The following ZRANB3 variants were observed in gnomAD, a reference collection of about 807,000 sequenced individuals.
ZRANB3 encodes zinc finger RANBP2-type containing 3.
A neutral mutation model predicts 133.8 loss-of-function variants in ZRANB3; 125 were observed. That is an observed-to-expected ratio of 0.93 (90% CI 0.81 to 1.08). ZRANB3 has a LOEUF of 1.08. ZRANB3 is among the 50% of genes least tolerant of loss of function. The pLI, the probability that ZRANB3 is intolerant of heterozygous loss-of-function variation, is 0.00. For missense variants in ZRANB3, 1,229 were observed against 1,275.5 expected (o/e 0.96, Z 0.56); for synonymous variants, 387 against 432.7 (o/e 0.89, Z 1.31).
intron 1 of ZRANB3, among the ~76,000 whole-genome samples, chr2:135,509,444 G>A (rs145299607): frequency 6.6e-6 from 1 of 152,066 alleles, no homozygotes. Flanking sequence ...TGAAGTATAA[G>A]TCAACCATAG....
chr2:135,512,335 G>A (rs951146139), intron 1 of ZRANB3, among the ~76,000 whole-genome samples: 1 of 152,074 alleles, frequency 6.6e-6, no homozygotes, highest in Non-Finnish European at 1.5e-5. Context: ...ACTGTACTGA[G>A]GAGAATCAGA....
intron 2 of ZRANB3, among the ~76,000 whole-genome samples, chr2:135,414,670 C>G (rs1184050865): frequency 6.6e-6 from 1 of 152,066 alleles, no homozygotes; most frequent in East Asian, 1.9e-4. Flanking sequence ...AGCACCACAC[C>G]ACACCTATTC....
At chr2:135,303,214 C>T (rs548261753) in intron 8 of ZRANB3, among the ~76,000 whole-genome samples, 2 of 152,050 alleles carry the variant, frequency 1.3e-5, no homozygotes, top group Admixed American at 1.3e-4. Flanking sequence ...TATTTTTTAC[C>T]ACCATGTGTT....
chr2:135,273,374 G>A (rs1680632775), intron 9 of ZRANB3, among the ~76,000 whole-genome samples: 2 of 151,982 alleles, frequency 1.3e-5, no homozygotes, highest in South Asian at 2.1e-4. Context: ...AGAATGTCCC[G>A]TATTAACGTT....
chr2:135,428,753 C>T (rs1312014437), intron 2 of ZRANB3, among the ~76,000 whole-genome samples: 1 of 152,218 alleles, frequency 6.6e-6, no homozygotes, highest in Non-Finnish European at 1.5e-5. Flanking sequence ...TCTCAAAAGA[C>T]ATACATAAGG....
At chr2:135,435,788 T>C (rs1689507261) in intron 2 of ZRANB3, among the ~76,000 whole-genome samples, 1 of 152,370 alleles carries the variant, frequency 6.6e-6, no homozygotes, top group Non-Finnish European at 1.5e-5. Context: ...GTATGTCTTC[T>C]TTTGAGAAGT....
At chr2:135,487,352 T>C (rs1034786146) in intron 2 of ZRANB3, among the ~76,000 whole-genome samples, 1 of 152,234 alleles carries the variant, frequency 6.6e-6, no homozygotes, top group Non-Finnish European at 1.5e-5. Context: ...GATATTCAGA[T>C]GGTCAATGAG....
At chr2:135,276,431 A>G (rs940894501) in intron 8 of ZRANB3, among the ~76,000 whole-genome samples, 6 of 152,160 alleles carry the variant, frequency 3.9e-5, no homozygotes. Context: ...CATATAGAAC[A>G]ATTATGACAC....
intron 3 of ZRANB3, among the ~76,000 whole-genome samples, chr2:135,381,956 G>A (rs572642820): frequency 6.0e-4 from 91 of 152,310 alleles, no homozygotes; most frequent in Admixed American, 1.7e-3. Flanking sequence ...CCAGAGGAAC[G>A]CAGCCCCTCA....
chr2:135,379,824 T>C (rs930334823), intron 3 of ZRANB3, among the ~76,000 whole-genome samples: 3 of 152,150 alleles, frequency 2.0e-5, no homozygotes, highest in African/African-American at 4.8e-5. Context: ...TAACCTTAAA[T>C]GTAAATGGGC....
At chr2:135,408,923 T>C (rs567469128) in intron 2 of ZRANB3, among the ~76,000 whole-genome samples, 1 of 151,894 alleles carries the variant, frequency 6.6e-6, no homozygotes, top group Non-Finnish European at 1.5e-5. Context: ...CATGTATACA[T>C]ATGTAACTAA....
At chr2:135,212,367 G>C (rs1694127347) in intron 17 of ZRANB3, among the ~76,000 whole-genome samples, 1 of 152,140 alleles carries the variant, frequency 6.6e-6, no homozygotes. Context: ...GAACTCAAAA[G>C]CTTCCTAGCT....
chr2:135,511,985 T>C (rs1693484822), intron 1 of ZRANB3: 1 of 693,016 alleles, frequency 1.4e-6, no homozygotes, highest in South Asian at 1.6e-5. Flanking sequence ...GTCAAATATG[T>C]CCAAACCTGT....
intron 2 of ZRANB3, among the ~76,000 whole-genome samples, chr2:135,425,950 G>A (rs1042093913): frequency 4.6e-5 from 7 of 151,838 alleles, no homozygotes; most frequent in African/African-American, 1.7e-4. Context: ...CACTAGCTAG[G>A]CTGATAAAGA....
chr2:135,225,964 A>T (rs1694745865), intron 14 of ZRANB3, among the ~76,000 whole-genome samples: 1 of 152,238 alleles, frequency 6.6e-6, no homozygotes, highest in African/African-American at 2.4e-5. Flanking sequence ...AACTGAAAGC[A>T]GGAGAAATTG....
intron 2 of ZRANB3, among the ~76,000 whole-genome samples, chr2:135,406,698 TA>T (rs1688051337): frequency 1.3e-5 from 2 of 152,122 alleles, no homozygotes; most frequent in South Asian, 4.1e-4. Context: ...ATCCAGCATA[TA>T]AACAGAACCA....
chr2:135,275,865 T>G, intron 8 of ZRANB3, 110 bp from the exon 9 acceptor site: 1 of 837,440 alleles, frequency 1.2e-6, no homozygotes, highest in South Asian at 3.4e-5. Context: ...AATATGAACT[T>G]TTAGCTGCAT....
intron 8 of ZRANB3, among the ~76,000 whole-genome samples, chr2:135,297,666 G>A (rs887718485): frequency 7.9e-5 from 12 of 152,336 alleles, no homozygotes; most frequent in East Asian, 7.7e-4. Flanking sequence ...CGTCTGCATC[G>A]CTCACGCTGG....
At position 135,279,363 on chromosome 2, in the gene ZRANB3, AACT is replaced by A. The variant is rs150340874; in HGVS notation, c.967-3611_967-3609del. ...TACAATGAGAGTAGGGGCTGTTAAG[AACT>A]TTAGCCTTGGATTTCAGTGCCTTGG... On this transcript the variant is annotated intron_variant, in intron 8 of 20. Coordinates refer to ENST00000264159, the MANE Select transcript of ZRANB3 (RefSeq NM_032143.4). 7.4e-4 allele frequency among the ~76,000 whole-genome samples: 113 copies of A among 152,324 alleles called. 1 individual carries two copies. In the East Asian group the frequency reaches 0.019, roughly 25 times the overall value.
Sources: allele counts gnomAD v4.1 joint callset (sites outside exome capture counted in the v4.1 genomes callset), GRCh38; gene constraint gnomAD v4.1.1; transcripts MANE v1.5; gene names NCBI Gene and HGNC (gene_info 2026-07-23, HGNC 2026-07-21).